NHLRC2: variants seen among roughly 807,000 people sequenced by gnomAD.
NHLRC2 encodes the protein NHL repeat containing 2, also known as NHL repeat-containing protein 2.
In NHLRC2, 33 loss-of-function variants were observed where a neutral mutation model predicts 68.1. That is an observed-to-expected ratio of 0.48 (90% confidence interval 0.37 to 0.65). The LOEUF (loss-of-function observed/expected upper bound fraction) is 0.65. Ranked by LOEUF, NHLRC2 falls within the 30% of genes least tolerant of loss-of-function variation. The pLI is 0.00. For synonymous variants in NHLRC2, 311 were observed against 309.6 expected, an observed-to-expected ratio of 1.00 and a Z score of -0.05; for missense variants, 761 against 853.8, an observed-to-expected ratio of 0.89 and a Z score of 1.35.
intron 4 of NHLRC2, among the ~76,000 whole-genome samples, chr10:113,881,583 C>T (rs1016698387): frequency 3.3e-5 from 5 of 151,646 alleles, no homozygotes; most frequent in African/African-American, 1.2e-4. Flanking sequence ...CCCATACCCC[C>T]AACTCTCACT....
At position 113,913,689 on chromosome 10, in the gene NHLRC2, C is replaced by A. The variant is rs1470237241; in HGVS notation, c.*5153C>A. On this transcript the variant is annotated 3_prime_UTR_variant, in exon 11 of 11. Coordinates refer to ENST00000369301, the MANE Select transcript of NHLRC2 (RefSeq NM_198514.4). The stretch of plus-strand genomic sequence containing the variant: ...TATTAAATATTAGTCCAAGTGAGCT[C>A]TGGAAATACAGTCTTCTGCTTTCTT... The A allele has an allele frequency of 1.3e-5, 2 of 152,098 alleles. No homozygotes were observed. Among genetic ancestry groups the A allele is most frequent in the African/African-American group, 4.8e-5 (2 of 41,412 alleles). 9.4% of individuals were successfully genotyped at this position (152,098 alleles called of 1,614,324 possible).
intron 2 of NHLRC2, among the ~76,000 whole-genome samples, chr10:113,867,060 T>G (rs1033183114): frequency 2.0e-5 from 3 of 152,226 alleles, no homozygotes; most frequent in Admixed American, 6.5e-5. Context: ...AGGCAGCTTC[T>G]GCCTGCTGTC....
At chr10:113,858,467 A>G (rs1217941139) in intron 1 of NHLRC2, 61 bp from the exon 2 acceptor site, 4 of 1,203,266 alleles carry the variant, frequency 3.3e-6, no homozygotes, top group Non-Finnish European at 4.7e-6. Flanking sequence ...TTTAATGGAA[A>G]GTTTTAGGTA....
chr10:113,869,667 A>G (rs1247459917), intron 2 of NHLRC2, among the ~76,000 whole-genome samples: 2 of 152,166 alleles, frequency 1.3e-5, no homozygotes, highest in Non-Finnish European at 2.9e-5. Flanking sequence ...CTTCAAGGAA[A>G]TGTTGGGATA....
In NHLRC2 at chr10:113,909,701, T is replaced by G. The variant is rs1172742627; in HGVS notation, c.*1165T>G. On this transcript the variant is annotated 3_prime_UTR_variant, in exon 11 of 11. Coordinates refer to ENST00000369301, the MANE Select transcript of NHLRC2 (RefSeq NM_198514.4). ...AAAGATATTGGAAAGGTTTTTTTTC[T>G]ATTGTCATAATTTATAACTACTTAA... 6.6e-6 allele frequency: 1 copy of G among 152,158 alleles called. No individual in the cohort carries two copies. The highest frequency in any genetic ancestry group is 2.4e-5 in the African/African-American group (1 of 41,454). 9.4% of individuals were successfully genotyped at this position (152,158 alleles called of 1,614,324 possible). A position where few individuals can be genotyped will look rare whatever the true frequency, so the allele number is the denominator to read the frequency against.
intron 2 of NHLRC2, 97 bp from the exon 3 acceptor site, chr10:113,876,424 G>T: frequency 1.5e-5 from 10 of 653,066 alleles, no homozygotes; most frequent in African/African-American, 1.9e-5. Flanking sequence ...TTTAATCTAT[G>T]GACTTTTAAT....
intron 2 of NHLRC2, among the ~76,000 whole-genome samples, chr10:113,869,343 T>G (rs1413876412): frequency 6.6e-6 from 1 of 152,188 alleles, no homozygotes; most frequent in Non-Finnish European, 1.5e-5. Flanking sequence ...AAGGTCATAT[T>G]TGGAGGAGAA....
In NHLRC2 at chr10:113,884,294, G is replaced by A; in HGVS notation, c.953G>A (p.Gly318Glu). 1 of 1,610,100 alleles carries A rather than the reference G, an allele frequency of 6.2e-7. No individual in the cohort carries two copies. Among genetic ancestry groups the A allele is most frequent in the Non-Finnish European group, 8.5e-7 (1 of 1,176,900 alleles). Residue 318 changes from glycine to glutamate, a missense_variant, in exon 5 of 11, where the codon GGA (glycine) becomes GAA (glutamate). Transcript: ENST00000369301. ...AAGGTGAGCACTGTAGCTGGTATTG[G>A]AATTCAAGGTACAGATAAAGAAGGT... ...AEKVSTVAGI[G>E]IQGTDKEGGA...
rs185670142 is a variant in NHLRC2 at position 113,899,466 on chromosome 10, A to G, written c.1139+1257A>G. Among the ~76,000 whole-genome samples, 334 of 152,352 alleles carry G rather than the reference A, an allele frequency of 2.2e-3. 3 individuals are homozygous for G. The highest frequency in any genetic ancestry group is 7.2e-3 in the African/African-American group (298 of 41,582). ...ACTTATGTAATGTTTTAAGACATTT[A>G]ATCGTTTAGCAAATATTTATGCTAG... On this transcript the variant is annotated intron_variant, in intron 6 of 10. Transcript: ENST00000369301.
chr10:113,873,536 A>G (rs1845949483), intron 2 of NHLRC2, among the ~76,000 whole-genome samples: 1 of 152,122 alleles, frequency 6.6e-6, no homozygotes, highest in African/African-American at 2.4e-5. Flanking sequence ...TGCTCCTGCA[A>G]CCTACCTAAG....
chr10:113,855,164 A>C (rs1184957516), intron 1 of NHLRC2, 114 bp downstream of exon 1: 1 of 934,970 alleles, frequency 1.1e-6, no homozygotes, highest in African/African-American at 1.7e-5. Flanking sequence ...CGCCCCGGGG[A>C]GTGGCCCTTC....
chr10:113,903,708 T>G lies in NHLRC2; in HGVS notation c.1676T>G (p.Met559Arg). 6.3e-7 allele frequency: 1 copy of G among 1,583,600 alleles called. No individual in the cohort carries two copies. The change falls in exon 9 of 11, where the codon ATG becomes AGG. Residue 559 changes from methionine to arginine, a missense_variant. Coordinates refer to ENST00000369301, the MANE Select transcript of NHLRC2 (RefSeq NM_198514.4). ...ADTNNHQIKV[M>R]DLETKMVSVL... ...ACCAATAATCATCAAATTAAAGTGA[T>G]GGATTTAGAAACTAAAATGGTATCT...
rs1846293834 is a variant in NHLRC2 at position 113,908,354 on chromosome 10, C to T, written c.1999C>T (p.Leu667=). Residue 667 remains leucine (L), a synonymous_variant, in exon 11 of 11, where the codon CTA becomes TTA. Transcript: ENST00000369301. ...CATTTCCAGTCAACCAACAATTTCA[C>T]TACAAATTCCTGATGATTGCTTATC... ...ENISSQPTIS[L]QIPDDCLSLE... is the part of the protein sequence containing the mutation. 1.2e-6 allele frequency: 2 copies of T among 1,613,844 alleles called. No homozygotes were observed. Among genetic ancestry groups the T allele is most frequent in the Non-Finnish European group, 1.7e-6 (2 of 1,179,710 alleles).
Position 113,895,368 on chromosome 10 carries a change from C to T in NHLRC2, c.1040-2742C>T, listed in dbSNP as rs540861367. 1.0e-3 allele frequency among the ~76,000 whole-genome samples: 156 copies of T among 152,192 alleles called. 1 individual carries two copies. The highest frequency in any genetic ancestry group is 3.6e-3 in the African/African-American group (148 of 41,534). On this transcript the variant is annotated intron_variant, in intron 5 of 10. Transcript: ENST00000369301. ...CTGCTGGCCTCTTAGACCTTATGCT[C>T]AGTAGAGGAGAAAGGCAGTAAATTA...
chr10:113,892,060 G>C (rs999626992), intron 5 of NHLRC2, among the ~76,000 whole-genome samples: 10 of 152,160 alleles, frequency 6.6e-5, no homozygotes, highest in Admixed American at 3.9e-4. Flanking sequence ...CCCTTCCCTA[G>C]TGGCTTAAGA....
rs1169108158 is a variant in NHLRC2, at chr10:113,871,015, CTTTTTTTTTTTT to C, written c.332-5491_332-5480del. ...TGTTAATTATTCTTGCTTCCTGCAT[CTTTTTTTTTTTT>C]TTTTTTTTTTTTTTGAGACGGAGTT... On this transcript the variant is annotated intron_variant, in intron 2 of 10. Transcript: ENST00000369301. Among the ~76,000 whole-genome samples, 8 of 65,724 alleles carry C rather than the reference CTTTTTTTTTTTT, an allele frequency of 1.2e-4. 1 individual carries two copies. The highest frequency in any genetic ancestry group is 3.2e-4 in the Admixed American group (2 of 6,338). 43.1% of individuals were successfully genotyped at this position (65,724 alleles called of 152,430 possible). A position where few individuals can be genotyped will look rare whatever the true frequency, so the allele number is the denominator to read the frequency against.
At chr10:113,890,871 G>A (rs1846124103) in intron 5 of NHLRC2, among the ~76,000 whole-genome samples, 1 of 152,104 alleles carries the variant, frequency 6.6e-6, no homozygotes, top group Non-Finnish European at 1.5e-5. Flanking sequence ...GGAGGCCTCA[G>A]GAAACTTGAA....
chr10:113,900,208 G>C (rs1401393406), intron 6 of NHLRC2, among the ~76,000 whole-genome samples: 2 of 152,160 alleles, frequency 1.3e-5, no homozygotes, highest in African/African-American at 4.8e-5. Flanking sequence ...TTGTGTTTTT[G>C]AAAGAACATT....
Position 113,876,708 on chromosome 10 carries a change from C to T in NHLRC2, c.519C>T (p.Asn173=). The part of the protein sequence containing the change: ...PTLVILGPRG[N]MLFSLIGEGH... ...TAGTCATACTTGGACCTCGTGGAAA[C>T]ATGTTGTTTTCTTTGATTGGAGAGG... The change falls in exon 3 of 11, where the codon AAC becomes AAT. Residue 173 remains asparagine (N), a synonymous_variant. Transcript: ENST00000369301. 6.2e-7 allele frequency: 1 copy of T among 1,613,884 alleles called. No individual in the cohort carries two copies. Among genetic ancestry groups the T allele is most frequent in the Non-Finnish European group, 8.5e-7 (1 of 1,179,866 alleles).
Sources: allele counts gnomAD v4.1 joint callset (sites outside exome capture counted in the v4.1 genomes callset), GRCh38; gene constraint gnomAD v4.1.1; transcripts MANE v1.5; gene names NCBI Gene and HGNC (gene_info 2026-07-23, HGNC 2026-07-21).